PHACTR2: variants seen among roughly 807,000 people sequenced by gnomAD.
PHACTR2 encodes phosphatase and actin regulator 2.
A neutral mutation model predicts 76.0 loss-of-function variants in PHACTR2; 30 were observed. The ratio of observed to expected loss-of-function variants is 0.39; its 90% CI spans 0.30 to 0.54. The LOEUF (loss-of-function observed/expected upper bound fraction) is 0.54, where lower values mean the gene tolerates loss of function less well. Ranked by LOEUF, PHACTR2 falls within the 20% of genes least tolerant of loss-of-function variation. The pLI is 0.61. For missense variants in PHACTR2, 696 were observed against 781.1 expected (o/e 0.89, Z 1.30); for synonymous variants, 292 against 292.5 (o/e 1.00, Z 0.02).
intron 1 of PHACTR2, among the ~76,000 whole-genome samples, chr6:143,603,121 G>C (rs1050526339): frequency 4.9e-5 from 7 of 142,492 alleles, no homozygotes; most frequent in African/African-American, 1.8e-4. Flanking sequence ...CTCTAGCCTG[G>C]GTGACAAGAG....
At chr6:143,705,255 A>T (rs1778021787) in intron 1 of PHACTR2, among the ~76,000 whole-genome samples, 3 of 149,392 alleles carry the variant, frequency 2.0e-5, no homozygotes, top group Admixed American at 2.0e-4. Context: ...AGTAGCTGAG[A>T]TTACAAGCGC....
chr6:143,641,230 C>T lies in PHACTR2; in HGVS notation c.13+32908C>T, dbSNP rs1235189984. Among the ~76,000 whole-genome samples, 3 of 152,146 alleles carry T rather than the reference C, an allele frequency of 2.0e-5. No individual in the cohort carries two copies. Among genetic ancestry groups the T allele is most frequent in the Non-Finnish European group, 4.4e-5 (3 of 68,016 alleles). ...GCTTAATCATGATTTAAAGGTCCCA[C>T]CTCTTAATACTGTGATAATGGCAAT... On this transcript the variant is annotated intron_variant, in intron 1 of 11. Transcript: ENST00000305766. The surrounding 1 kb of genome is among the most constrained non-coding windows in gnomAD (Gnocchi z 5.8).
chr6:143,762,437 T>G (rs1779464082), intron 5 of PHACTR2, among the ~76,000 whole-genome samples: 1 of 152,214 alleles, frequency 6.6e-6, no homozygotes. Flanking sequence ...TTATTCATTG[T>G]ATTGTAAAAG....
In PHACTR2 at chr6:143,761,721, T is replaced by A. The variant is rs1779447655; in HGVS notation, c.694+1081T>A. On this transcript the variant is annotated intron_variant, in intron 5 of 12. Transcript: ENST00000440869. This position sits in a 1 kb window ranked among gnomAD's most constrained non-coding sequence, Gnocchi z 5.2. Reference sequence around the variant, plus strand: ...GTGAGCTGAGATCGCGCCACTGCACTCCAGCCTGGGCGACAGAATGAGACT... The same window carrying A: ...GTGAGCTGAGATCGCGCCACTGCACACCAGCCTGGGCGACAGAATGAGACT... 6.6e-6 allele frequency among the ~76,000 whole-genome samples: 1 copy of A among 151,738 alleles called. No individual in the cohort carries two copies. Among genetic ancestry groups the A allele is most frequent in the Admixed American group, 6.6e-5 (1 of 15,228 alleles).
intron 1 of PHACTR2, among the ~76,000 whole-genome samples, chr6:143,637,410 A>G (rs1776477896): frequency 6.6e-6 from 1 of 152,210 alleles, no homozygotes; most frequent in Non-Finnish European, 1.5e-5. Context: ...AATGATATTT[A>G]GTTTTTCTTG....
At chr6:143,706,261 GC>G (rs1329799127) in intron 1 of PHACTR2, among the ~76,000 whole-genome samples, 1 of 152,172 alleles carries the variant, frequency 6.6e-6, no homozygotes, top group African/African-American at 2.4e-5. Flanking sequence ...GGTGGTGCTT[GC>G]CTATTGGAGA....
At position 143,783,039 on chromosome 6, in the gene PHACTR2, G is replaced by GTA. The variant is rs1376055507; in HGVS notation, c.1646-179_1646-178insAT. 1.4e-4 allele frequency among the ~76,000 whole-genome samples: 21 copies of GTA among 148,666 alleles called. No homozygotes were observed. Among genetic ancestry groups the GTA allele is most frequent in the South Asian group, 6.4e-4 (3 of 4,670 alleles). On this transcript the variant is annotated intron_variant, in intron 9 of 12. Transcript: ENST00000440869. The surrounding 1 kb of genome is among the most constrained non-coding windows in gnomAD (Gnocchi z 5.2). The stretch of plus-strand genomic sequence containing the variant: ...TGTGTGTGTGTGTGTGTGTGTGTAT[G>GTA]TGTGTGTGTGTGTAAGATGATCAAC...
chr6:143,640,806 AT>A (rs1776550751), intron 1 of PHACTR2, among the ~76,000 whole-genome samples: 1 of 152,180 alleles, frequency 6.6e-6, no homozygotes, highest in Non-Finnish European at 1.5e-5. Flanking sequence ...ACGTGACTTT[AT>A]TTGAAAAAAA....
At chr6:143,600,020 T>G (rs1176642602) in intron 1 of PHACTR2, among the ~76,000 whole-genome samples, 1 of 152,264 alleles carries the variant, frequency 6.6e-6, no homozygotes, top group African/African-American at 2.4e-5. Context: ...CTCATGATTC[T>G]AATCTGAGAA....
rs1047960490 is a variant in PHACTR2 at position 143,757,821 on chromosome 6, T to C, written c.455-2580T>C. 7.2e-5 allele frequency among the ~76,000 whole-genome samples: 11 copies of C among 152,198 alleles called. No homozygotes were observed. The highest frequency in any genetic ancestry group is 2.7e-4 in the African/African-American group (11 of 41,454). On this transcript the variant is annotated intron_variant, in intron 4 of 12. Coordinates refer to ENST00000440869, the MANE Select transcript of PHACTR2 (RefSeq NM_001100164.2). The surrounding 1 kb of genome is among the most constrained non-coding windows in gnomAD (Gnocchi z 4.2). ...AATAACTATTAGACAGTCAGTCCCA[T>C]TCGTTGAATAGACATAGTGTTTACA...
At chr6:143,719,162 C>G (rs868506103) in intron 2 of PHACTR2, among the ~76,000 whole-genome samples, 2 of 149,670 alleles carry the variant, frequency 1.3e-5, no homozygotes, top group Non-Finnish European at 3.0e-5. Context: ...GGATTACAGG[C>G]GTGAGCAACC....
Position 143,774,311 on chromosome 6 carries a change from T to A in PHACTR2, c.1589+96T>A. The stretch of plus-strand genomic sequence containing the variant: ...CTGGGGTCATTGTGAATTCCTTATG[T>A]ACAGATACATCTGGCCTACTGGGTC... On this transcript the variant is annotated intron_variant, in intron 8 of 12. Coordinates refer to ENST00000440869, the MANE Select transcript of PHACTR2 (RefSeq NM_001100164.2). This position sits in a 1 kb window ranked among gnomAD's most constrained non-coding sequence, Gnocchi z 5.4. The A allele has an allele frequency of 1.1e-6, 1 of 920,590 alleles. No individual in the cohort carries two copies. The highest frequency in any genetic ancestry group is 1.7e-6 in the Non-Finnish European group (1 of 597,144). The allele number at this position is 920,590 out of a possible 1,614,324, so 57.0% of individuals were successfully genotyped here.
chr6:143,756,458 G>A (rs547144040), intron 4 of PHACTR2, among the ~76,000 whole-genome samples: 3 of 152,304 alleles, frequency 2.0e-5, no homozygotes, highest in African/African-American at 7.2e-5. Flanking sequence ...CACTTTGGGA[G>A]GCCGAGGCGG....
At position 143,777,737 on chromosome 6, in the gene PHACTR2, G is replaced by T. The variant is rs570891493; in HGVS notation, c.1645+354G>T. ...ATAAATGTCAAAGAAAAGGCCAAAAGAATCCACAAGGAAACAAATCAAACA... is the reference window on the plus strand; with the variant it reads ...ATAAATGTCAAAGAAAAGGCCAAAATAATCCACAAGGAAACAAATCAAACA... On this transcript the variant is annotated intron_variant, in intron 9 of 12. Coordinates refer to ENST00000440869, the MANE Select transcript of PHACTR2 (RefSeq NM_001100164.2). This position sits in a 1 kb window ranked among gnomAD's most constrained non-coding sequence, Gnocchi z 4.6. Among the ~76,000 whole-genome samples the T allele has an allele frequency of 7.9e-5, 12 of 152,220 alleles. No individual in the cohort carries two copies. The South Asian group carries it at 2.5e-3, about 32-fold the overall frequency.
intron 1 of PHACTR2, among the ~76,000 whole-genome samples, chr6:143,694,310 A>G (rs1354871611): frequency 1.3e-5 from 2 of 152,208 alleles, no homozygotes; most frequent in South Asian, 2.1e-4. Context: ...ATGTGACATT[A>G]TGTTTCTGCC....
At chr6:143,719,837 C>CA (rs1778399600) in intron 2 of PHACTR2, among the ~76,000 whole-genome samples, 1 of 75,522 alleles carries the variant, frequency 1.3e-5, no homozygotes, top group Non-Finnish European at 2.5e-5. Flanking sequence ...TTTTTTGAGA[C>CA]AGAGTCTCAC....
At chr6:143,694,266 G>T (rs1423605528) in intron 1 of PHACTR2, among the ~76,000 whole-genome samples, 1 of 150,968 alleles carries the variant, frequency 6.6e-6, no homozygotes, top group Non-Finnish European at 1.5e-5. Context: ...AAGGAAGGAA[G>T]AAAAAAGGAA....
intron 1 of PHACTR2, among the ~76,000 whole-genome samples, chr6:143,691,057 T>A (rs1399432130): frequency 6.6e-6 from 1 of 152,202 alleles, no homozygotes; most frequent in Non-Finnish European, 1.5e-5. Context: ...ATATTATAGG[T>A]CAGCAAAATC....
At chr6:143,577,661 C>T (rs114963419) in intron 1 of PHACTR2, among the ~76,000 whole-genome samples, 1,654 of 152,088 alleles carry the variant, frequency 0.011, 29 homozygotes, top group African/African-American at 0.037. Context: ...AAAACTCAGA[C>T]ATTTGAACTA....
Sources: allele counts gnomAD v4.1 joint callset (sites outside exome capture counted in the v4.1 genomes callset), GRCh38; gene constraint gnomAD v4.1.1; non-coding constraint Gnocchi (gnomAD v3.1); transcripts MANE v1.5; gene names NCBI Gene and HGNC (gene_info 2026-07-23, HGNC 2026-07-21).